The following SLC5A1 variants were observed in gnomAD, a reference collection of about 807,000 sequenced individuals.
The protein encoded by SLC5A1 is solute carrier family 5 member 1.
Under a neutral mutation model 73.5 loss-of-function variants are expected in SLC5A1, and 42 were observed. That is an observed-to-expected ratio of 0.57 (90% CI 0.45 to 0.74). The LOEUF (loss-of-function observed/expected upper bound fraction) is 0.74. Ranked by LOEUF, SLC5A1 falls within the 30% of genes least tolerant of loss-of-function variation. SLC5A1 has a pLI of 0.00. For missense variants in SLC5A1, 634 were observed against 855.4 expected (o/e 0.74, Z 3.23); for synonymous variants, 300 against 317.4 (o/e 0.95, Z 0.58).
At chr22:32,097,304 G>A (rs1222777855) in intron 11 of SLC5A1, among the ~76,000 whole-genome samples, 1 of 152,194 alleles carries the variant, frequency 6.6e-6, no homozygotes, top group Admixed American at 6.5e-5. Flanking sequence ...CCTGGGGAAG[G>A]GAGAACCTGA....
Position 32,102,054 on chromosome 22 carries a change from G to A in SLC5A1, c.1482G>A (p.Leu494=). 6.2e-7 allele frequency: 1 copy of A among 1,614,104 alleles called. No individual in the cohort carries two copies. Among genetic ancestry groups the A allele is most frequent in the Non-Finnish European group, 8.5e-7 (1 of 1,180,010 alleles). Residue 494 remains leucine, a synonymous_variant, in exon 13 of 15, where the codon CTG becomes CTA. Coordinates refer to ENST00000266088, the MANE Select transcript of SLC5A1 (RefSeq NM_000343.4). Reference sequence around the variant, plus strand: ...TTTGGGGACTGATCCTAGGACTTCTGATTGGGATTTCACGTATGATTACTG... The same window carrying A: ...TTTGGGGACTGATCCTAGGACTTCTAATTGGGATTTCACGTATGATTACTG... The part of the protein sequence containing the change: ...GAFWGLILGL[L]IGISRMITEF...
intron 2 of SLC5A1, among the ~76,000 whole-genome samples, chr22:32,056,124 C>T (rs1168980406): frequency 2.0e-5 from 3 of 152,126 alleles, no homozygotes; most frequent in Admixed American, 6.5e-5. Flanking sequence ...TGGGCTCAAA[C>T]GATCCTCCCA....
In SLC5A1 at chr22:32,066,934, G is replaced by C; in HGVS notation, c.208-1G>C. On this transcript the variant is annotated splice_acceptor_variant, in intron 2 of 14. Transcript: ENST00000266088. LOFTEE classifies it high-confidence loss of function. ...CACCTGACTTTCTTTTGCGTTTCCAGATTGGAGCCTCCCTCTTTGCTAGTA... is the reference window on the plus strand; with the variant it reads ...CACCTGACTTTCTTTTGCGTTTCCACATTGGAGCCTCCCTCTTTGCTAGTA... The C allele has an allele frequency of 1.2e-6, 2 of 1,612,204 alleles. No homozygotes were observed. The highest frequency in any genetic ancestry group is 2.2e-5 in the East Asian group (1 of 44,846).
Position 32,111,643 on chromosome 22 carries a change from G to A in SLC5A1, c.*1430G>A, listed in dbSNP as rs992356423. The A allele has an allele frequency of 1.3e-5, 2 of 152,188 alleles. No individual in the cohort carries two copies. Among genetic ancestry groups the A allele is most frequent in the Non-Finnish European group, 2.9e-5 (2 of 68,038 alleles). The allele number at this position is 152,188 out of a possible 1,614,324, so 9.4% of individuals were successfully genotyped here. A position where few individuals can be genotyped will look rare whatever the true frequency, so the allele number is the denominator to read the frequency against. ...TATGTAGGTGAGGCAAGGCAGGGTA[G>A]GGCAGGGCCTTTGGGTAGGCTGATC... On this transcript the variant is annotated 3_prime_UTR_variant, in exon 15 of 15. Coordinates refer to ENST00000266088, the MANE Select transcript of SLC5A1 (RefSeq NM_000343.4).
intron 13 of SLC5A1, among the ~76,000 whole-genome samples, chr22:32,102,680 T>A (rs2094038597): frequency 6.6e-6 from 1 of 152,224 alleles, no homozygotes; most frequent in Non-Finnish European, 1.5e-5. Flanking sequence ...ATTCTAATTG[T>A]ATTTTTGTAC....
At chr22:32,079,534 T>A (rs1188876784) in intron 5 of SLC5A1, among the ~76,000 whole-genome samples, 1 of 152,220 alleles carries the variant, frequency 6.6e-6, no homozygotes, top group Non-Finnish European at 1.5e-5. Context: ...GCAAGGCACA[T>A]ATTAATGAGG....
At chr22:32,090,058 T>C (rs962536727) in intron 10 of SLC5A1, among the ~76,000 whole-genome samples, 1 of 145,862 alleles carries the variant, frequency 6.9e-6, no homozygotes, top group African/African-American at 2.6e-5. Context: ...GAGCTTGACG[T>C]AACTTGCTTA....
intron 11 of SLC5A1, among the ~76,000 whole-genome samples, chr22:32,092,915 T>G (rs1216918064): frequency 6.6e-6 from 1 of 152,234 alleles, no homozygotes; most frequent in Non-Finnish European, 1.5e-5. Flanking sequence ...TGCTATCTTC[T>G]AGAATTTTTA....
intron 11 of SLC5A1, among the ~76,000 whole-genome samples, 192 bp downstream of exon 11, chr22:32,091,954 T>C (rs1264924444): frequency 6.6e-6 from 1 of 151,978 alleles, no homozygotes; most frequent in Non-Finnish European, 1.5e-5. Flanking sequence ...TTTTAAATTT[T>C]TTATTTCCAT....
intron 10 of SLC5A1, 117 bp downstream of exon 10, chr22:32,086,444 G>C (rs2094008525): frequency 2.6e-6 from 2 of 760,084 alleles, no homozygotes; most frequent in Non-Finnish European, 4.7e-6. Flanking sequence ...CGGGGGGTTA[G>C]AAGGGAAAGC....
intron 11 of SLC5A1, among the ~76,000 whole-genome samples, chr22:32,095,386 T>C (rs2094024591): frequency 6.6e-6 from 1 of 152,212 alleles, no homozygotes; most frequent in African/African-American, 2.4e-5. Context: ...CTTAAATCCA[T>C]TGTTCCTTTG....
intron 2 of SLC5A1, among the ~76,000 whole-genome samples, chr22:32,051,468 CA>C (rs2093945037): frequency 6.6e-6 from 1 of 152,090 alleles, no homozygotes; most frequent in Non-Finnish European, 1.5e-5. Flanking sequence ...CCAGCCTGGG[CA>C]ACATAGCAAG....
chr22:32,083,726 C>A (rs2094003628), intron 7 of SLC5A1, among the ~76,000 whole-genome samples: 1 of 151,624 alleles, frequency 6.6e-6, no homozygotes, highest in Non-Finnish European at 1.5e-5. Flanking sequence ...ACTGGAGAAC[C>A]TAGGTAAGGG....
chr22:32,085,676 A>C (rs968056181), intron 9 of SLC5A1, among the ~76,000 whole-genome samples: 1 of 143,910 alleles, frequency 6.9e-6, no homozygotes, highest in Non-Finnish European at 1.5e-5. Flanking sequence ...TGTTTCTTTG[A>C]TTTCTTTCCT....
At chr22:32,047,183 G>A (rs1251028342) in intron 1 of SLC5A1, among the ~76,000 whole-genome samples, 2 of 152,064 alleles carry the variant, frequency 1.3e-5, no homozygotes, top group Non-Finnish European at 2.9e-5. Flanking sequence ...ATTTTGAGGG[G>A]CCTTGAAGGA....
intron 5 of SLC5A1, among the ~76,000 whole-genome samples, chr22:32,080,765 G>C (rs2093998523): frequency 6.6e-6 from 1 of 152,220 alleles, no homozygotes; most frequent in Non-Finnish European, 1.5e-5. Flanking sequence ...GGAGTCCAAG[G>C]CAGGCAGATC....
chr22:32,063,352 T>G (rs1242867526), intron 2 of SLC5A1, among the ~76,000 whole-genome samples: 1 of 152,204 alleles, frequency 6.6e-6, no homozygotes, highest in African/African-American at 2.4e-5. Flanking sequence ...GCTGTGTCAG[T>G]CACAACTGGT....
chr22:32,078,970 AAAAAAAAAAAAAAAG>A, intron 5 of SLC5A1, among the ~76,000 whole-genome samples: 1 of 128,736 alleles, frequency 7.8e-6, no homozygotes, highest in African/African-American at 3.5e-5. Flanking sequence ...AAAAAAAAAA[AAAAAAAAAAAAAAAG>A]ACCTTGCTCT....
chr22:32,083,195 G>C, intron 7 of SLC5A1, 41 bp downstream of exon 7: 1 of 1,547,020 alleles, frequency 6.5e-7, no homozygotes, highest in Non-Finnish European at 8.9e-7. Flanking sequence ...GGGAGCAGAG[G>C]TAGAGGGCCT....
Sources: allele counts gnomAD v4.1 joint callset (sites outside exome capture counted in the v4.1 genomes callset), GRCh38; gene constraint gnomAD v4.1.1; transcripts MANE v1.5; gene names NCBI Gene and HGNC (gene_info 2026-07-23, HGNC 2026-07-21).